PSMD6: variants seen among roughly 807,000 people sequenced by gnomAD.
The protein encoded by PSMD6 is 26S proteasome non-ATPase regulatory subunit 6.
Under a neutral mutation model 44.9 loss-of-function variants are expected in PSMD6, and 7 were observed. That is an observed-to-expected ratio of 0.16 (90% CI 0.09 to 0.29). The LOEUF is 0.29. PSMD6 is among the 10% of genes least tolerant of loss of function. The pLI, the probability that PSMD6 is intolerant of heterozygous loss-of-function variation, is 1.00. For missense variants in PSMD6, 420 were observed against 482.6 expected (o/e 0.87, Z 1.21); for synonymous variants, 184 against 172.7 (o/e 1.07, Z -0.51).
chr3:64,014,022 A>AG (rs1442191283), intron 5 of PSMD6: 1 of 153,926 alleles, frequency 6.5e-6, no homozygotes, highest in African/African-American at 2.4e-5. Context: ...GGTATAAATC[A>AG]GACATTTTCA....
chr3:64,013,416 A>T, intron 6 of PSMD6, 23 bp downstream of exon 6: 2 of 1,525,160 alleles, frequency 1.3e-6, no homozygotes, highest in South Asian at 1.3e-5. Context: ...AACTTCAATT[A>T]ACATGGCATT....
Position 64,022,351 on chromosome 3 carries a change from T to C in PSMD6, c.318A>G (p.Ala106=), listed in dbSNP as rs149664172. ...CTATCCGGCAGAGGTACTCGGCCTT[T>C]GCCATCATTGCATCGCGAATTTCGC... The part of the protein sequence containing the change: ...GESEIRDAMM[A]KAEYLCRIGD... The change falls in exon 2 of 8, where the codon GCA becomes GCG. Residue 106 remains alanine (A), a synonymous_variant. Transcript: ENST00000295901. 1.1e-5 allele frequency: 18 copies of C among 1,614,158 alleles called. No homozygotes were observed. The highest frequency in any genetic ancestry group is 1.5e-5 in the Non-Finnish European group (18 of 1,180,062).
intron 5 of PSMD6, chr3:64,014,977 A>C (rs2076020217): frequency 6.6e-6 from 1 of 152,358 alleles, no homozygotes; most frequent in African/African-American, 2.4e-5. Context: ...AGAGCACGTT[A>C]CTGCAGAACC....
At chr3:64,023,157 G>A in intron 1 of PSMD6, 118 bp downstream of exon 1, 1 of 1,426,526 alleles carries the variant, frequency 7.0e-7, no homozygotes, top group Non-Finnish European at 9.1e-7. Context: ...AGCCAGGCCT[G>A]GTCTCTGAGA....
chr3:64,011,225 A>G (rs930356413), intron 6 of PSMD6: 2 of 289,532 alleles, frequency 6.9e-6, no homozygotes, highest in African/African-American at 4.4e-5. Context: ...GAAAAACTGT[A>G]GGTTAGGAAA....
chr3:64,011,129 TCATCTACTAGAATAAACATGA>T, intron 6 of PSMD6, 174 bp from the exon 7 acceptor site: 1 of 526,472 alleles, frequency 1.9e-6, no homozygotes, highest in Non-Finnish European at 3.3e-6. Flanking sequence ...CTTTAAGTCA[TCATCTACTAGAATAAACATGA>T]TCCTAGAAGT....
chr3:64,021,369 A>T (rs1014617718), intron 2 of PSMD6, among the ~76,000 whole-genome samples: 1 of 152,234 alleles, frequency 6.6e-6, no homozygotes, highest in Non-Finnish European at 1.5e-5. Context: ...TGAAAAGGGC[A>T]AACAGGACTA....
At chr3:64,020,300 T>C (rs928294792) in intron 2 of PSMD6, among the ~76,000 whole-genome samples, 6 of 152,156 alleles carry the variant, frequency 3.9e-5, no homozygotes, top group Admixed American at 2.6e-4. Context: ...CCATTAAGTA[T>C]TTAGTAATAC....
intron 5 of PSMD6, chr3:64,015,638 A>C (rs551996271): frequency 6.6e-6 from 1 of 152,340 alleles, no homozygotes; most frequent in Admixed American, 6.5e-5. Context: ...AAGAGAAAAA[A>C]AGGTACTTAC....
upstream of PSMD6, chr3:64,023,659 T>G (rs981919246): frequency 1.4e-6 from 2 of 1,449,958 alleles, no homozygotes; most frequent in Non-Finnish European, 1.8e-6. Flanking sequence ...AGTCCCAGAG[T>G]GGGTGCAGCC....
chr3:64,015,684 A>G (rs1417890098), intron 5 of PSMD6: 1 of 152,220 alleles, frequency 6.6e-6, no homozygotes, highest in African/African-American at 2.4e-5. Context: ...AATACACAAA[A>G]GTGTTACATG....
chr3:64,023,368 G>C lies in PSMD6; in HGVS notation c.52C>G (p.Arg18Gly), dbSNP rs748335738. 7 of 1,612,334 alleles carry C rather than the reference G, an allele frequency of 4.3e-6. No individual in the cohort carries two copies. Among genetic ancestry groups the C allele is most frequent in the South Asian group, 2.2e-5 (2 of 90,848 alleles). Residue 18 changes from arginine (R) to glycine (G), a missense_variant, in exon 1 of 8, where the codon CGT becomes GGT. Arg to Gly is a moderately radical substitution (Grantham distance 125). Coordinates refer to ENST00000295901, the MANE Select transcript of PSMD6 (RefSeq NM_014814.3). ...AGCAGGAAGCGCAGCTGCGCGATAC[G>C]CAAGTCGGGGTTCTTGGGCAGACCC... Reference protein sequence around the residue: ...EEGLPKNPDLRIAQLRFLLSL... With the variant: ...EEGLPKNPDLGIAQLRFLLSL...
upstream of PSMD6, chr3:64,023,587 G>T (rs1283903911): frequency 7.1e-6 from 10 of 1,411,624 alleles, no homozygotes; most frequent in African/African-American, 3.0e-5. Context: ...GCCTCACCCG[G>T]CCTGGGCGCC....
At chr3:64,016,304 G>GT (rs2076043260) in intron 5 of PSMD6, 1 of 152,068 alleles carries the variant, frequency 6.6e-6, no homozygotes, top group Non-Finnish European at 1.5e-5. Flanking sequence ...TGGGGGTGAG[G>GT]TGAGATACAA....
intron 7 of PSMD6, 53 bp downstream of exon 7, chr3:64,010,825 T>C: frequency 3.8e-6 from 6 of 1,573,770 alleles, no homozygotes; most frequent in East Asian, 2.3e-5. Context: ...ATGACAATAG[T>C]TGACCTACTT....
At chr3:64,011,874 G>C (rs1345083310) in intron 6 of PSMD6, 2 of 152,436 alleles carry the variant, frequency 1.3e-5, no homozygotes, top group Non-Finnish European at 2.9e-5. Flanking sequence ...TTTTTCTCAT[G>C]CACTGCTCAC....
chr3:64,022,659 G>A (rs2076151083), intron 1 of PSMD6, 136 bp from the exon 2 acceptor site: 1 of 1,546,838 alleles, frequency 6.5e-7, no homozygotes, highest in Non-Finnish European at 8.7e-7. Flanking sequence ...GCATGCGATG[G>A]CGCTTAATAA....
chr3:64,016,908 C>CA (rs2076052901), intron 5 of PSMD6: 1 of 152,076 alleles, frequency 6.6e-6, no homozygotes, highest in Non-Finnish European at 1.5e-5. Context: ...ACACAAAAAT[C>CA]TATGAACTAA....
chr3:64,014,825 G>C (rs544663090), intron 5 of PSMD6: 1 of 152,288 alleles, frequency 6.6e-6, no homozygotes. Context: ...TGGGGCTGGC[G>C]ACATGAATTT....
Sources: allele counts gnomAD v4.1 joint callset (sites outside exome capture counted in the v4.1 genomes callset), GRCh38; gene constraint gnomAD v4.1.1; transcripts MANE v1.5; gene names NCBI Gene and HGNC (gene_info 2026-07-23, HGNC 2026-07-21).